SPAG17: variants seen among roughly 807,000 people sequenced by gnomAD.
The protein encoded by SPAG17 is sperm-associated antigen 17.
In SPAG17, 169 loss-of-function variants were observed where a neutral mutation model predicts 273.6. The ratio of observed to expected loss-of-function variants is 0.62; its 90% CI spans 0.55 to 0.70. The LOEUF (loss-of-function observed/expected upper bound fraction) is 0.70, where lower values mean the gene tolerates loss of function less well. Among genes scored for constraint, SPAG17 ranks in the 30% least tolerant of loss-of-function variants. The pLI, the probability that SPAG17 is intolerant of heterozygous loss-of-function variation, is 0.00. For synonymous variants in SPAG17, 825 were observed against 873.2 expected, an observed-to-expected ratio of 0.94 and a Z score of 0.97; for missense variants, 2,557 against 2,627.8, an observed-to-expected ratio of 0.97 and a Z score of 0.59.
intron 3 of SPAG17, among the ~76,000 whole-genome samples, chr1:118,126,319 C>T (rs1351114057): frequency 4.0e-5 from 6 of 149,390 alleles, no homozygotes; most frequent in African/African-American, 1.5e-4. Context: ...CATTCTCCTG[C>T]TTTAGTCTCC....
chr1:118,066,648 C>T, intron 18 of SPAG17, 97 bp downstream of exon 18: 4 of 988,372 alleles, frequency 4.0e-6, no homozygotes, highest in Non-Finnish European at 4.5e-6. Context: ...GCTGAACCCC[C>T]TAGCTTAGGG....
rs188901554 is a variant in SPAG17, at chr1:117,981,251, A to T, written c.6004+19T>A. 8 of 1,550,912 alleles carry T rather than the reference A, an allele frequency of 5.2e-6. No individual in the cohort carries two copies. The Admixed American group carries it at 1.4e-4, about 28-fold the overall frequency. ...ATGTTCAGTTTCAAGAAGCAATAAG[A>T]TAAAAAAGACTGCCATACCTTCAGG... On this transcript the variant is annotated intron_variant, in intron 43 of 48. Transcript: ENST00000336338.
At chr1:118,172,026 GT>G (rs1660442167) in intron 1 of SPAG17, among the ~76,000 whole-genome samples, 1 of 152,122 alleles carries the variant, frequency 6.6e-6, no homozygotes, top group Non-Finnish European at 1.5e-5. Flanking sequence ...GCACTATAAT[GT>G]GTAGAATCAC....
chr1:118,146,695 G>C (rs1161016571), intron 3 of SPAG17, among the ~76,000 whole-genome samples: 1 of 152,138 alleles, frequency 6.6e-6, no homozygotes, highest in African/African-American at 2.4e-5. Context: ...GTAGACCAGT[G>C]AAAGATTACT....
chr1:118,126,844 C>A (rs139341797), intron 3 of SPAG17, among the ~76,000 whole-genome samples: 15 of 152,066 alleles, frequency 9.9e-5, no homozygotes, highest in African/African-American at 3.6e-4. Context: ...GTCTTTAATC[C>A]ATTTTGAGTT....
chr1:118,157,415 C>T (rs1212858276), intron 1 of SPAG17, among the ~76,000 whole-genome samples: 1 of 152,102 alleles, frequency 6.6e-6, no homozygotes, highest in African/African-American at 2.4e-5. Flanking sequence ...TAAGTAATAT[C>T]CTTCAAAATG....
intron 3 of SPAG17, among the ~76,000 whole-genome samples, chr1:118,118,075 T>C (rs1657196842): frequency 6.6e-6 from 1 of 152,200 alleles, no homozygotes; most frequent in Non-Finnish European, 1.5e-5. Flanking sequence ...CAGTAGCCAG[T>C]AGTTTGGTCT....
At chr1:118,141,575 C>T (rs560467221) in intron 3 of SPAG17, among the ~76,000 whole-genome samples, 1 of 152,310 alleles carries the variant, frequency 6.6e-6, no homozygotes, top group South Asian at 2.1e-4. Flanking sequence ...GAACTCCCTT[C>T]TGCCAGGTGT....
intron 38 of SPAG17, among the ~76,000 whole-genome samples, chr1:117,989,750 T>G (rs1656864428): frequency 1.3e-5 from 2 of 151,942 alleles, no homozygotes; most frequent in African/African-American, 4.8e-5. Flanking sequence ...TAATTTTTTT[T>G]TGTATTTTCC....
chr1:118,124,424 T>C (rs993533378), intron 3 of SPAG17, among the ~76,000 whole-genome samples: 4 of 152,214 alleles, frequency 2.6e-5, no homozygotes, highest in Non-Finnish European at 5.9e-5. Flanking sequence ...CCTTTCAGAT[T>C]CATCTTTTGA....
chr1:118,166,759 C>A (rs1378816887), intron 1 of SPAG17, among the ~76,000 whole-genome samples: 1 of 152,264 alleles, frequency 6.6e-6, no homozygotes, highest in African/African-American at 2.4e-5. Flanking sequence ...CTTTTACCAT[C>A]TTCAGCATCT....
intron 36 of SPAG17, 82 bp from the exon 37 acceptor site, chr1:117,991,610 A>G: frequency 2.5e-6 from 2 of 801,678 alleles, no homozygotes; most frequent in Non-Finnish European, 4.0e-6. Context: ...AACTTGAAAT[A>G]TTACAAAAAA....
chr1:118,117,883 T>G (rs1325173314), intron 3 of SPAG17, among the ~76,000 whole-genome samples: 1 of 152,272 alleles, frequency 6.6e-6, no homozygotes, highest in Non-Finnish European at 1.5e-5. Context: ...AAGGGAATGA[T>G]ATTGTGAATT....
chr1:118,110,701 G>A (rs1360373676), intron 4 of SPAG17, among the ~76,000 whole-genome samples: 1 of 152,102 alleles, frequency 6.6e-6, no homozygotes, highest in African/African-American at 2.4e-5. Flanking sequence ...TTAACCTGAG[G>A]ATGTTAAATG....
chr1:118,122,871 G>A lies in SPAG17; in HGVS notation c.316-7430C>T, dbSNP rs116595665. On this transcript the variant is annotated intron_variant, in intron 3 of 48. Transcript: ENST00000336338. ...GAAGATTCCACAGCCCAAGTTGTGA[G>A]AGCAGAGAATGGAATGGAATGAGGA... 6.4e-3 allele frequency among the ~76,000 whole-genome samples: 968 copies of A among 152,292 alleles called. 8 individuals carry two copies. Among genetic ancestry groups the A allele is most frequent in the African/African-American group, 0.022 (920 of 41,574 alleles).
At chr1:117,979,307 T>C (rs1481675923) in intron 43 of SPAG17, among the ~76,000 whole-genome samples, 1 of 152,184 alleles carries the variant, frequency 6.6e-6, no homozygotes, top group Admixed American at 6.5e-5. Flanking sequence ...TCATCAAAAC[T>C]ACAAATTCTC....
chr1:118,079,513 G>C (rs1472199620), intron 15 of SPAG17, among the ~76,000 whole-genome samples: 6 of 151,824 alleles, frequency 4.0e-5, no homozygotes, highest in Non-Finnish European at 8.8e-5. Flanking sequence ...AATATTGTTA[G>C]TCTATTCAAA....
At chr1:117,982,565 C>T (rs1191562028) in intron 42 of SPAG17, among the ~76,000 whole-genome samples, 3 of 152,094 alleles carry the variant, frequency 2.0e-5, no homozygotes, top group Non-Finnish European at 4.4e-5. Flanking sequence ...TTTAACTACT[C>T]AGTTTACTAG....
intron 31 of SPAG17, among the ~76,000 whole-genome samples, chr1:118,006,056 TTAAG>T (rs1332578371): frequency 6.6e-6 from 1 of 152,200 alleles, no homozygotes; most frequent in Admixed American, 6.5e-5. Flanking sequence ...GACACGGTCC[TTAAG>T]TAATAGACTT....
Sources: gnomAD v4.1 joint callset for allele counts (sites outside exome capture counted in the v4.1 genomes callset) on GRCh38, gnomAD v4.1.1 for gene constraint, MANE v1.5 for transcripts, NCBI Gene and HGNC (gene_info 2026-07-23, HGNC 2026-07-21) for gene names.